Variants in HYCC1 observed in about 807,000 individuals in gnomAD.
HYCC1 encodes hyccin.
At chr7:22,939,969 AAC>A in the HYCC1 span, 1 of 152,218 alleles carries the variant, frequency 6.6e-6, no homozygotes, top group African/African-American at 2.4e-5. Context: ...ACAATTATAA[AAC>A]AGTTATCTTG....
At chr7:22,939,107 C>A in the HYCC1 span, 1 of 152,148 alleles carries the variant, frequency 6.6e-6, no homozygotes, top group African/African-American at 2.4e-5. Context: ...ACATTATATT[C>A]CACTATATGT....
the HYCC1 span, among the ~76,000 whole-genome samples, chr7:22,978,935 T>C: frequency 4.6e-5 from 7 of 152,182 alleles, no homozygotes; most frequent in Admixed American, 1.3e-4. Context: ...TGTATCTTTA[T>C]AATGGGCTTT....
chr7:22,999,145 CTCT>C, the HYCC1 span, among the ~76,000 whole-genome samples: 1 of 152,080 alleles, frequency 6.6e-6, no homozygotes, highest in Non-Finnish European at 1.5e-5. Context: ...CTTAGAAAAC[CTCT>C]TATTAGAATG....
At chr7:22,983,776 C>T in the HYCC1 span, 35 of 579,766 alleles carry the variant, frequency 6.0e-5, no homozygotes, top group Admixed American at 1.2e-4. Flanking sequence ...TTCTGGAATA[C>T]GGTAATAAAT....
chr7:22,912,880 C>T, the HYCC1 span, among the ~76,000 whole-genome samples: 1 of 152,310 alleles, frequency 6.6e-6, no homozygotes, highest in East Asian at 1.9e-4. Flanking sequence ...CACCTGTAAT[C>T]CCAGCACTTT....
At chr7:22,978,858 T>C in the HYCC1 span, among the ~76,000 whole-genome samples, 3 of 152,234 alleles carry the variant, frequency 2.0e-5, no homozygotes, top group Non-Finnish European at 4.4e-5. Flanking sequence ...TAAACATAAT[T>C]TGGAGTCATC....
the HYCC1 span, among the ~76,000 whole-genome samples, chr7:23,006,093 G>T: frequency 1.3e-5 from 2 of 152,154 alleles, no homozygotes; most frequent in Non-Finnish European, 2.9e-5. Flanking sequence ...TGTCTGGCAG[G>T]TTTAAGAGGG....
At chr7:22,964,845 T>C in the HYCC1 span, among the ~76,000 whole-genome samples, 2 of 152,068 alleles carry the variant, frequency 1.3e-5, no homozygotes, top group South Asian at 2.1e-4. Flanking sequence ...TACATGAAAC[T>C]TGGCACTGCC....
chr7:22,980,526 G>T, the HYCC1 span, among the ~76,000 whole-genome samples: 1 of 152,006 alleles, frequency 6.6e-6, no homozygotes, highest in African/African-American at 2.4e-5. Flanking sequence ...GATTTCTAGT[G>T]GTAACAGGCA....
the HYCC1 span, chr7:22,976,374 G>A: frequency 3.7e-6 from 4 of 1,076,884 alleles, no homozygotes; most frequent in East Asian, 7.3e-5. Flanking sequence ...ATAGGGGAGA[G>A]AGCACTCCTT....
chr7:22,957,848 A>T, the HYCC1 span, among the ~76,000 whole-genome samples: 6 of 152,138 alleles, frequency 3.9e-5, no homozygotes, highest in South Asian at 1.2e-3. Flanking sequence ...ATTATGAGAT[A>T]AAAAGGCTGT....
chr7:22,967,397 A>G, the HYCC1 span, among the ~76,000 whole-genome samples: 5 of 152,242 alleles, frequency 3.3e-5, no homozygotes, highest in Non-Finnish European at 5.9e-5. Context: ...ATGAAACAGC[A>G]TGACATTGAG....
At chr7:23,002,150 A>ATAAATATATATACACAAT in the HYCC1 span, among the ~76,000 whole-genome samples, 2 of 27,500 alleles carry the variant, frequency 7.3e-5, no homozygotes, top group African/African-American at 3.8e-4. Context: ...ATATATATAT[A>ATAAATATATATACACAAT]TATATATATA....
At chr7:22,955,356 TTATG>T in the HYCC1 span, among the ~76,000 whole-genome samples, 1 of 151,498 alleles carries the variant, frequency 6.6e-6, no homozygotes, top group Non-Finnish European at 1.5e-5. Context: ...TAATCTACCT[TTATG>T]TAGTGCTTTA....
At chr7:22,954,485 T>A in the HYCC1 span, among the ~76,000 whole-genome samples, 22 of 151,518 alleles carry the variant, frequency 1.5e-4, no homozygotes, top group East Asian at 3.9e-3. Flanking sequence ...TTGTTTTTTT[T>A]AAATCTCTTT....
chr7:22,946,986 T>G, the HYCC1 span: 1 of 1,549,288 alleles, frequency 6.5e-7, no homozygotes, highest in Non-Finnish European at 8.7e-7. Flanking sequence ...CTGCTAAAAC[T>G]GCACTCTGCC....
the HYCC1 span, among the ~76,000 whole-genome samples, chr7:22,971,103 ATG>A: frequency 2.0e-5 from 3 of 151,764 alleles, no homozygotes; most frequent in Admixed American, 6.6e-5. Flanking sequence ...GGTGAGAGAC[ATG>A]TGTGTTATTC....
At chr7:22,965,088 CGAGCCA>C in the HYCC1 span, among the ~76,000 whole-genome samples, 1 of 147,918 alleles carries the variant, frequency 6.8e-6, no homozygotes, top group Non-Finnish European at 1.5e-5. Context: ...AAGCCAAGAT[CGAGCCA>C]CTGCACTCCA....
the HYCC1 span, among the ~76,000 whole-genome samples, chr7:22,987,578 G>A: frequency 6.6e-6 from 1 of 152,054 alleles, no homozygotes; most frequent in African/African-American, 2.4e-5. Context: ...ACTAATGAGA[G>A]TCCATAGCTA....
Sources: gnomAD v4.1 joint callset for allele counts (sites outside exome capture counted in the v4.1 genomes callset) on GRCh38, gnomAD v4.1.1 for gene constraint, MANE v1.5 for transcripts, NCBI Gene and HGNC (gene_info 2026-07-23, HGNC 2026-07-21) for gene names.